SOX5: variants seen among roughly 807,000 people sequenced by gnomAD.
SOX5 encodes the protein SRY-box transcription factor 5.
Under a neutral mutation model 92.0 loss-of-function variants are expected in SOX5, and 9 were observed. The observed-to-expected ratio is 0.10, with a 90% CI of 0.06 to 0.17. The LOEUF (loss-of-function observed/expected upper bound fraction) is 0.17. Ranked by LOEUF, SOX5 falls within the 10% of genes least tolerant of loss-of-function variation. The pLI is 1.00. For synonymous variants in SOX5, 344 were observed against 336.3 expected (o/e 1.02, Z -0.25); for missense variants, 642 against 944.5 (o/e 0.68, Z 4.20).
intron 1 of SOX5, among the ~76,000 whole-genome samples, chr12:24,519,994 C>G (rs189920637): frequency 1.3e-5 from 2 of 151,700 alleles, no homozygotes; most frequent in African/African-American, 4.8e-5. Flanking sequence ...TCAGCAGAAA[C>G]ATTTCAGGCC....
chr12:23,701,154 C>T (rs925270660), intron 6 of SOX5, among the ~76,000 whole-genome samples: 1 of 151,822 alleles, frequency 6.6e-6, no homozygotes, highest in Non-Finnish European at 1.5e-5. Flanking sequence ...TAGTTATAAC[C>T]CTTAATTACT....
At chr12:23,653,914 AATGC>A in intron 7 of SOX5, among the ~76,000 whole-genome samples, 1 of 152,148 alleles carries the variant, frequency 6.6e-6, no homozygotes, top group East Asian at 1.9e-4. Context: ...TCCCTAGCAC[AATGC>A]CTGACACACT....
intron 1 of SOX5, among the ~76,000 whole-genome samples, chr12:24,539,334 A>G (rs1473411801): frequency 6.6e-6 from 1 of 152,166 alleles, no homozygotes; most frequent in Non-Finnish European, 1.5e-5. Context: ...AGGGTAAAAT[A>G]ATTACTATAA....
chr12:24,128,912 CGAT>C (rs756580074), intron 4 of SOX5, among the ~76,000 whole-genome samples: 22 of 152,044 alleles, frequency 1.4e-4, no homozygotes, highest in Non-Finnish European at 2.9e-4. Flanking sequence ...AGGAGAAAAA[CGAT>C]GGTGGACTAG....
At chr12:23,963,917 C>T (rs1947256583) in intron 4 of SOX5, among the ~76,000 whole-genome samples, 1 of 151,686 alleles carries the variant, frequency 6.6e-6, no homozygotes, top group Non-Finnish European at 1.5e-5. Context: ...GTTAATAAAA[C>T]ATTAAAACAG....
At chr12:24,432,087 G>A (rs1938458580) in intron 1 of SOX5, among the ~76,000 whole-genome samples, 1 of 152,138 alleles carries the variant, frequency 6.6e-6, no homozygotes, top group Admixed American at 6.5e-5. Context: ...TTGGCAGACT[G>A]GGGACACTGG....
intron 9 of SOX5, among the ~76,000 whole-genome samples, chr12:23,603,618 A>G (rs2074854830): frequency 6.6e-6 from 1 of 151,588 alleles, no homozygotes; most frequent in Non-Finnish European, 1.5e-5. Flanking sequence ...ATATTTATAC[A>G]ATATCATTTA....
chr12:24,135,799 G>T (rs906257101), intron 4 of SOX5, among the ~76,000 whole-genome samples: 3 of 151,264 alleles, frequency 2.0e-5, no homozygotes, highest in African/African-American at 7.4e-5. Context: ...CCAAGTGGAG[G>T]GGGAGGTGGA....
intron 4 of SOX5, among the ~76,000 whole-genome samples, chr12:24,043,120 G>T (rs900157962): frequency 6.6e-6 from 1 of 152,148 alleles, no homozygotes; most frequent in East Asian, 1.9e-4. Context: ...AAGAAGAGAT[G>T]AATTGTCTCC....
intron 4 of SOX5, among the ~76,000 whole-genome samples, chr12:24,099,128 C>A (rs908217960): frequency 6.6e-6 from 1 of 152,090 alleles, no homozygotes; most frequent in Admixed American, 6.6e-5. Flanking sequence ...CAATCATAAC[C>A]CTGATGTGCA....
At chr12:23,646,616 C>G (rs2080884402) in intron 7 of SOX5, among the ~76,000 whole-genome samples, 2 of 152,238 alleles carry the variant, frequency 1.3e-5, no homozygotes, top group South Asian at 4.1e-4. Context: ...CAAACCCTGC[C>G]ACTGCTTCAT....
intron 2 of SOX5, among the ~76,000 whole-genome samples, chr12:24,332,566 A>C (rs997784379): frequency 1.3e-5 from 2 of 152,212 alleles, no homozygotes; most frequent in East Asian, 1.9e-4. Flanking sequence ...ATAAAAATTA[A>C]AAAATAAATC....
intron 9 of SOX5, among the ~76,000 whole-genome samples, chr12:23,577,476 G>T (rs1236122649): frequency 6.6e-6 from 1 of 151,946 alleles, no homozygotes; most frequent in Non-Finnish European, 1.5e-5. Context: ...TGGGATTACA[G>T]GCATGAGCCA....
At chr12:24,371,155 G>A (rs1409120340) in intron 1 of SOX5, among the ~76,000 whole-genome samples, 6 of 152,142 alleles carry the variant, frequency 3.9e-5, no homozygotes, top group Non-Finnish European at 1.5e-5. Flanking sequence ...TCTGAAGCAC[G>A]AGAAGGATTT....
intron 4 of SOX5, among the ~76,000 whole-genome samples, chr12:24,054,846 C>T (rs11047239): frequency 6.6e-6 from 1 of 151,892 alleles, no homozygotes; most frequent in African/African-American, 2.4e-5. Flanking sequence ...GAGGTATAAC[C>T]TTGTTTAAAA....
intron 1 of SOX5, among the ~76,000 whole-genome samples, chr12:24,516,006 T>C (rs1438017566): frequency 1.3e-5 from 2 of 151,642 alleles, no homozygotes; most frequent in Admixed American, 6.6e-5. Context: ...AGACATGGAG[T>C]AGTTTTTTCT....
At position 23,970,840 on chromosome 12, in the gene SOX5, A is replaced by ATTTTTTTTTTTTTTT; in HGVS notation, c.-1-74817_-1-74816insAAAAAAAAAAAAAAA. Among the ~76,000 whole-genome samples the ATTTTTTTTTTTTTTT allele has an allele frequency of 2.4e-4, 8 of 33,480 alleles. 2 individuals are homozygous for ATTTTTTTTTTTTTTT. Among genetic ancestry groups the ATTTTTTTTTTTTTTT allele is most frequent in the Non-Finnish European group, 4.2e-4 (7 of 16,596 alleles). 22.0% of individuals were successfully genotyped at this position (33,480 alleles called of 152,430 possible). A position where few individuals can be genotyped will look rare whatever the true frequency, so the allele number is the denominator to read the frequency against. ...CACATGGGACTTTATATATATATAT[A>ATTTTTTTTTTTTTTT]ATTTTTTTTTTTTTTTAAGAAATGG... On this transcript the variant is annotated intron_variant, in intron 4 of 4. Coordinates refer to the SOX5 transcript ENST00000446891.
intron 4 of SOX5, among the ~76,000 whole-genome samples, chr12:24,150,938 T>C (rs910641461): frequency 6.6e-6 from 1 of 152,028 alleles, no homozygotes; most frequent in East Asian, 1.9e-4. Context: ...TAGGAAAACA[T>C]GATCATTGCA....
chr12:23,988,199 T>G (rs1374545074), intron 4 of SOX5, among the ~76,000 whole-genome samples: 1 of 152,118 alleles, frequency 6.6e-6, no homozygotes, highest in East Asian at 1.9e-4. Context: ...AGCAAGCTTG[T>G]AGGAAAAAAT....
Sources: gnomAD v4.1 joint callset for allele counts (sites outside exome capture counted in the v4.1 genomes callset) on GRCh38, gnomAD v4.1.1 for gene constraint, MANE v1.5 for transcripts, NCBI Gene and HGNC (gene_info 2026-07-23, HGNC 2026-07-21) for gene names.